PLCXD3: variants seen among roughly 807,000 people sequenced by gnomAD.
The protein encoded by PLCXD3 is phosphatidylinositol specific phospholipase C X domain containing 3, also known as PI-PLC X domain-containing protein 3.
PLCXD3 carries 19 observed loss-of-function variants against 25.5 expected under a neutral mutation model. The ratio of observed to expected loss-of-function variants is 0.75; its 90% confidence interval spans 0.52 to 1.09. The LOEUF (loss-of-function observed/expected upper bound fraction) is 1.09. PLCXD3 is among the 50% of genes least tolerant of loss of function. The pLI, the probability that PLCXD3 is intolerant of heterozygous loss-of-function variation, is 0.00. For missense variants in PLCXD3, 411 were observed against 388.1 expected (o/e 1.06, Z -0.50); for synonymous variants, 174 against 137.6 (o/e 1.26, Z -1.85).
intron 1 of PLCXD3, among the ~76,000 whole-genome samples, chr5:41,477,678 A>T (rs1379085734): frequency 8.6e-5 from 13 of 151,818 alleles, no homozygotes; most frequent in Non-Finnish European, 1.9e-4. Flanking sequence ...CCAAAAAAAA[A>T]TTAAAAAAAA....
At chr5:41,437,074 C>T (rs1053600413) in intron 1 of PLCXD3, among the ~76,000 whole-genome samples, 3 of 152,180 alleles carry the variant, frequency 2.0e-5, no homozygotes, top group Non-Finnish European at 2.9e-5. Context: ...CATGCCCATT[C>T]TCACATTAAA....
chr5:41,332,128 A>G (rs1335528346), intron 2 of PLCXD3, among the ~76,000 whole-genome samples: 1 of 152,148 alleles, frequency 6.6e-6, no homozygotes, highest in Non-Finnish European at 1.5e-5. Flanking sequence ...CTGCACAGCA[A>G]AAGAAACTAC....
chr5:41,382,395 T>C lies in PLCXD3; in HGVS notation c.243A>G (p.Thr81=). The C allele has an allele frequency of 6.2e-7, 1 of 1,613,518 alleles. No individual in the cohort carries two copies. Among genetic ancestry groups the C allele is most frequent in the African/African-American group, 1.3e-5 (1 of 74,994 alleles). The change falls in exon 2 of 3, where the codon ACA becomes ACG. Residue 81 remains threonine, a synonymous_variant. Transcript: ENST00000377801. ...KLMRKWLATQ[T]MNFTGQLGAG... ...CTCCTAGCTGGCCAGTAAAATTCAT[T>C]GTCTGAGTGGCTAACCATTTCCGCA... is the stretch of plus-strand genomic sequence containing the variant.
intron 1 of PLCXD3, among the ~76,000 whole-genome samples, chr5:41,472,018 T>C (rs925181371): frequency 6.9e-6 from 1 of 143,890 alleles, no homozygotes; most frequent in Non-Finnish European, 1.5e-5. Context: ...TTTTTCTTTC[T>C]TTTCTTCTCT....
chr5:41,322,796 G>GA (rs1458417788), intron 2 of PLCXD3, among the ~76,000 whole-genome samples: 2 of 138,830 alleles, frequency 1.4e-5, no homozygotes, highest in African/African-American at 5.6e-5. Flanking sequence ...CCAACATGGT[G>GA]AAACTCCGTC....
At chr5:41,323,738 AC>A (rs1743543917) in intron 2 of PLCXD3, among the ~76,000 whole-genome samples, 2 of 152,116 alleles carry the variant, frequency 1.3e-5, no homozygotes, top group Non-Finnish European at 2.9e-5. Flanking sequence ...TATGAAAGAC[AC>A]CTGAAATCTA....
At chr5:41,333,079 G>A (rs11741144) in intron 2 of PLCXD3, among the ~76,000 whole-genome samples, 12,854 of 151,784 alleles carry the variant, frequency 0.085, 833 homozygotes, top group East Asian at 0.36. Context: ...ATGTACCCTA[G>A]AACTTAAAGT....
Position 41,506,996 on chromosome 5 carries a change from C to T in PLCXD3, c.103+3428G>A, listed in dbSNP as rs113827489. Among the ~76,000 whole-genome samples the T allele has an allele frequency of 8.5e-5, 13 of 152,124 alleles. 2 individuals are homozygous for T. The highest frequency in any genetic ancestry group is 3.1e-4 in the African/African-American group (13 of 41,518). On this transcript the variant is annotated intron_variant, in intron 1 of 2. Coordinates refer to ENST00000377801, the MANE Select transcript of PLCXD3 (RefSeq NM_001005473.3). ...ACATATTAGAGAATGCAAAGCAGAC[C>T]CCTCCCATGGGCTAAACCCTTCCCA...
At chr5:41,388,125 T>TA (rs35656974) in intron 1 of PLCXD3, among the ~76,000 whole-genome samples, 4,449 of 146,424 alleles carry the variant, frequency 0.03, 76 homozygotes, top group Non-Finnish European at 0.043. Flanking sequence ...AGTTGGAAAC[T>TA]AAAAAAAAAA....
At chr5:41,494,393 T>C (rs1748789521) in intron 1 of PLCXD3, among the ~76,000 whole-genome samples, 1 of 152,218 alleles carries the variant, frequency 6.6e-6, no homozygotes, top group Admixed American at 6.5e-5. Context: ...AGGACTGTAA[T>C]AGTGGCAGCA....
intron 1 of PLCXD3, among the ~76,000 whole-genome samples, chr5:41,476,229 A>T (rs1748280163): frequency 1.3e-5 from 2 of 152,216 alleles, no homozygotes; most frequent in African/African-American, 4.8e-5. Context: ...GAGTGGGCAG[A>T]AAAAAGTTTA....
chr5:41,357,577 G>C (rs530308364), intron 2 of PLCXD3, among the ~76,000 whole-genome samples: 25 of 152,118 alleles, frequency 1.6e-4, no homozygotes, highest in Non-Finnish European at 2.9e-4. Context: ...GAGCTGACCA[G>C]GCAGTCAACC....
intron 2 of PLCXD3, among the ~76,000 whole-genome samples, chr5:41,375,409 C>G (rs78582826): frequency 1.5e-3 from 223 of 152,210 alleles, no homozygotes; most frequent in African/African-American, 5.2e-3. Flanking sequence ...GGTGTCTCTT[C>G]TTTTGACTGG....
At chr5:41,321,200 A>G (rs1167210924) in intron 2 of PLCXD3, among the ~76,000 whole-genome samples, 2 of 152,212 alleles carry the variant, frequency 1.3e-5, no homozygotes, top group African/African-American at 4.8e-5. Flanking sequence ...GAAAAACATA[A>G]AGACTCTGTA....
At chr5:41,343,674 A>G (rs1354104619) in intron 2 of PLCXD3, among the ~76,000 whole-genome samples, 1 of 152,140 alleles carries the variant, frequency 6.6e-6, no homozygotes, top group Non-Finnish European at 1.5e-5. Flanking sequence ...TTGTAGTTAC[A>G]ATGAAAATCC....
rs1486368526 is a variant in PLCXD3 at position 41,427,563 on chromosome 5, C to G, written c.104-45029G>C. ...GTATTAGATGTTTTATCTATTAATT[C>G]AAGTTTTGTGGTTGCTAATGTTCCA... On this transcript the variant is annotated intron_variant, in intron 1 of 2. Transcript: ENST00000377801. Among the ~76,000 whole-genome samples the G allele has an allele frequency of 2.0e-5, 3 of 152,214 alleles. No homozygotes were observed. In the East Asian group the frequency reaches 5.8e-4, roughly 29 times the overall value.
intron 1 of PLCXD3, among the ~76,000 whole-genome samples, chr5:41,485,118 A>G (rs1366469907): frequency 6.6e-6 from 1 of 152,198 alleles, no homozygotes; most frequent in East Asian, 1.9e-4. Context: ...TTTCACACCA[A>G]TTATTTCATT....
chr5:41,489,548 C>T (rs910371458), intron 1 of PLCXD3, among the ~76,000 whole-genome samples: 6 of 152,136 alleles, frequency 3.9e-5, no homozygotes, highest in African/African-American at 1.2e-4. Context: ...AATATTGATT[C>T]TTCCTACCCA....
At chr5:41,389,414 A>G (rs952909216) in intron 1 of PLCXD3, among the ~76,000 whole-genome samples, 1 of 152,194 alleles carries the variant, frequency 6.6e-6, no homozygotes, top group African/African-American at 2.4e-5. Context: ...ACAGATGCAT[A>G]AGAAGACATA....
Sources: gnomAD v4.1 joint callset for allele counts (sites outside exome capture counted in the v4.1 genomes callset) on GRCh38, gnomAD v4.1.1 for gene constraint, MANE v1.5 for transcripts, NCBI Gene and HGNC (gene_info 2026-07-23, HGNC 2026-07-21) for gene names.